Variants in LACTB observed in about 807,000 individuals in gnomAD.
LACTB encodes lactamase beta, also known as serine beta-lactamase-like protein LACTB, mitochondrial.
In LACTB, 35 loss-of-function variants were observed where a neutral mutation model predicts 50.2. The ratio of observed to expected loss-of-function variants is 0.70; its 90% CI spans 0.53 to 0.92. The LOEUF is 0.92. Among genes scored for constraint, LACTB ranks in the 40% least tolerant of loss-of-function variants. The probability of loss-of-function intolerance (pLI) is 0.00; values close to 1 mark genes in which losing one functional copy is unlikely to be tolerated. For synonymous variants in LACTB, 252 were observed against 268.2 expected (o/e 0.94, Z 0.59); for missense variants, 664 against 691.8 (o/e 0.96, Z 0.45).
At chr15:63,133,762 C>A (rs1302904612) in intron 5 of LACTB, among the ~76,000 whole-genome samples, 1 of 152,020 alleles carries the variant, frequency 6.6e-6, no homozygotes, top group East Asian at 1.9e-4. Flanking sequence ...TGGTATACTT[C>A]AAAAAACACA....
At position 63,141,218 on chromosome 15, in the gene LACTB, A is replaced by G. The variant is rs548711038; in HGVS notation, c.1119-62A>G. ...ATCTCTCTCATGTATACATTTTTCTATCATCATGTGTGAAGCCAGTGACTA... is the reference window on the plus strand; with the variant it reads ...ATCTCTCTCATGTATACATTTTTCTGTCATCATGTGTGAAGCCAGTGACTA... On this transcript the variant is annotated intron_variant, in intron 5 of 5. Coordinates refer to ENST00000261893, the MANE Select transcript of LACTB (RefSeq NM_032857.5). 3.6e-5 allele frequency: 55 copies of G among 1,512,238 alleles called. 1 individual carries two copies. The highest frequency in any genetic ancestry group is 3.0e-4 in the East Asian group (13 of 43,762). 93.7% of individuals were successfully genotyped at this position (1,512,238 alleles called of 1,614,324 possible). A position where few individuals can be genotyped will look rare whatever the true frequency, so the allele number is the denominator to read the frequency against.
Position 63,122,321 on chromosome 15 carries a change from G to C in LACTB, c.357+93G>C. The C allele has an allele frequency of 8.0e-6, 9 of 1,119,042 alleles. No individual in the cohort carries two copies. The South Asian group carries it at 1.5e-4, about 18-fold the overall frequency. 69.3% of individuals were successfully genotyped at this position (1,119,042 alleles called of 1,614,324 possible). A position where few individuals can be genotyped will look rare whatever the true frequency, so the allele number is the denominator to read the frequency against. ...CTGAGTGGACCCCACCCGGGGCGGCGGGGTGCCCGCGATCGGCTTCCGAGA... is the reference window on the plus strand; with the variant it reads ...CTGAGTGGACCCCACCCGGGGCGGCCGGGTGCCCGCGATCGGCTTCCGAGA... On this transcript the variant is annotated intron_variant, in intron 1 of 5. Transcript: ENST00000261893.
At chr15:63,129,695 C>T in intron 5 of LACTB, 45 bp downstream of exon 5, 1 of 1,403,834 alleles carries the variant, frequency 7.1e-7, no homozygotes, top group Non-Finnish European at 9.3e-7. Context: ...CGCATCTTAA[C>T]ACTATTTTAT....
At chr15:63,123,233 A>C (rs191009222) in intron 2 of LACTB, among the ~76,000 whole-genome samples, 1 of 149,214 alleles carries the variant, frequency 6.7e-6, no homozygotes, top group Non-Finnish European at 1.5e-5. Flanking sequence ...TGGATAACTG[A>C]AACTGAGGAA....
chr15:63,127,391 T>C lies in LACTB; in HGVS notation c.654T>C (p.Ser218=). 6.3e-7 allele frequency: 1 copy of C among 1,578,082 alleles called. No homozygotes were observed. Among genetic ancestry groups the C allele is most frequent in the Non-Finnish European group, 8.6e-7 (1 of 1,167,976 alleles). The part of the protein sequence containing the change: ...VTTRLLISHL[S]GIRHYEKDIK... ...CAAGATTACTGATTTCCCATTTAAGTGGAATTCGTCATTATGAAAAGGACA... is the reference window on the plus strand; with the variant it reads ...CAAGATTACTGATTTCCCATTTAAGCGGAATTCGTCATTATGAAAAGGACA... The change falls in exon 4 of 6, where the codon AGT becomes AGC. Residue 218 remains serine, a synonymous_variant. Coordinates refer to ENST00000261893, the MANE Select transcript of LACTB (RefSeq NM_032857.5).
At chr15:63,138,441 A>T (rs753232617) in intron 5 of LACTB, among the ~76,000 whole-genome samples, 2 of 152,244 alleles carry the variant, frequency 1.3e-5, no homozygotes, top group Non-Finnish European at 2.9e-5. Context: ...TCATCCCATC[A>T]GTTAGTTACA....
chr15:63,122,600 G>T (rs781026784), intron 1 of LACTB, 36 bp from the exon 2 acceptor site: 13 of 1,539,964 alleles, frequency 8.4e-6, no homozygotes, highest in East Asian at 2.2e-5. Flanking sequence ...TTTTCAGCAG[G>T]CCCGTAACTG....
At chr15:63,133,441 T>TGA (rs1313370347) in intron 5 of LACTB, among the ~76,000 whole-genome samples, 2 of 151,910 alleles carry the variant, frequency 1.3e-5, no homozygotes, top group Non-Finnish European at 2.9e-5. Context: ...GGCAACAGAG[T>TGA]GAGACCCCAT....
intron 5 of LACTB, 194 bp from the exon 6 acceptor site, chr15:63,141,086 A>T (rs917287875): frequency 1.0e-6 from 1 of 983,262 alleles, no homozygotes; most frequent in Non-Finnish European, 1.2e-6. Context: ...AAAGGTAATT[A>T]GACTATCTTA....
intron 2 of LACTB, among the ~76,000 whole-genome samples, chr15:63,124,928 T>G (rs2037029819): frequency 1.3e-5 from 2 of 151,012 alleles, no homozygotes; most frequent in Non-Finnish European, 2.9e-5. Flanking sequence ...CACTCCAGCC[T>G]GGGCAACAGC....
chr15:63,125,198 A>G (rs1010069708), intron 2 of LACTB, among the ~76,000 whole-genome samples: 1 of 137,388 alleles, frequency 7.3e-6, no homozygotes, highest in African/African-American at 2.6e-5. Flanking sequence ...TTGGAGTTTC[A>G]CTCTTGTTGC....
chr15:63,131,774 G>A (rs1057169347), intron 5 of LACTB, among the ~76,000 whole-genome samples: 2 of 151,896 alleles, frequency 1.3e-5, no homozygotes, highest in South Asian at 2.1e-4. Flanking sequence ...GTGAGACCCC[G>A]TCTCCACAAA....
rs8468 is a variant in LACTB at position 63,141,911 on chromosome 15, C to T, written c.*106C>T. ...AGAATAAATTTGAAATAGAGTATAA[C>T]TGAATGCAGAGAATTATGTACCTCT... On this transcript the variant is annotated 3_prime_UTR_variant, in exon 6 of 6. Transcript: ENST00000261893. The T allele has an allele frequency of 0.69, 652,256 of 941,644 alleles. 228,323 individuals are homozygous for T. The highest frequency in any genetic ancestry group is 0.99 in the East Asian group (38,101 of 38,300). The allele number at this position is 941,644 out of a possible 1,614,324, so 58.3% of individuals were successfully genotyped here.
intron 5 of LACTB, among the ~76,000 whole-genome samples, chr15:63,138,099 G>C (rs1417782396): frequency 2.6e-5 from 4 of 152,170 alleles, no homozygotes; most frequent in Non-Finnish European, 4.4e-5. Flanking sequence ...GTGGAGGCAG[G>C]TGGATCACTT....
In LACTB at chr15:63,122,625, T is replaced by G. The variant is rs2036992106; in HGVS notation, c.358-11T>G. On this transcript the variant is annotated splice_polypyrimidine_tract_variant and intron_variant, in intron 1 of 5. Transcript: ENST00000261893. The stretch of plus-strand genomic sequence containing the variant: ...GCCCGTAACTGTCGGTTCTTTCCCC[T>G]TCGGTCTTAGGATGAGGTGGGCGCA... 1 of 1,609,524 alleles carries G rather than the reference T, an allele frequency of 6.2e-7. No individual in the cohort carries two copies. Among genetic ancestry groups the G allele is most frequent in the Admixed American group, 1.7e-5 (1 of 60,022 alleles).
intron 5 of LACTB, chr15:63,141,053 A>G (rs984325118): frequency 1.0e-6 from 1 of 984,388 alleles, no homozygotes; most frequent in Non-Finnish European, 1.2e-6. Flanking sequence ...ATAGAAAAAA[A>G]CCACTTTCTA....
chr15:63,128,766 TG>T (rs1335176343), intron 4 of LACTB, among the ~76,000 whole-genome samples: 6 of 152,154 alleles, frequency 3.9e-5, no homozygotes, highest in Non-Finnish European at 5.9e-5. Flanking sequence ...TATTTTGAGA[TG>T]GAGTCTGGCC....
Position 63,141,947 on chromosome 15 carries a change from T to G in LACTB, c.*142T>G, listed in dbSNP as rs971753164. 19 of 648,548 alleles carry G rather than the reference T, an allele frequency of 2.9e-5. No homozygotes were observed. The South Asian group carries it at 3.9e-4, about 13-fold the overall frequency. 40.2% of individuals were successfully genotyped at this position (648,548 alleles called of 1,614,324 possible). ...GAATTATGTACCTCTAATTGCTTAA[T>G]TTTGTAATGGTCTTTTATTGTAGAA... On this transcript the variant is annotated 3_prime_UTR_variant, in exon 6 of 6. Transcript: ENST00000261893.
chr15:63,127,448 AG>A lies in LACTB; in HGVS notation c.712del (p.Ala238ProfsTer2). The A allele has an allele frequency of 1.2e-6, 2 of 1,609,958 alleles. No homozygotes were observed. The highest frequency in any genetic ancestry group is 2.2e-5 in the South Asian group (2 of 89,682). ...AGGTGAAAGAAGAGAAAGCTTATAA[AG>A]CCTTGAAGATGATGAAAGAGAATGT... The part of the protein sequence containing the change: ...KKVKEEKAYK[A>X]LKMMKENVAF... On this transcript the variant is annotated frameshift_variant, in exon 4 of 6. Transcript: ENST00000261893. LOFTEE classifies it high-confidence loss of function.
Sources: allele counts gnomAD v4.1 joint callset (sites outside exome capture counted in the v4.1 genomes callset), GRCh38; gene constraint gnomAD v4.1.1; transcripts MANE v1.5; gene names NCBI Gene and HGNC (gene_info 2026-07-23, HGNC 2026-07-21).